FOXP2: variants seen among roughly 807,000 people sequenced by gnomAD.
FOXP2 encodes the protein forkhead box protein P2.
Under a neutral mutation model 115.8 loss-of-function variants are expected in FOXP2, and 12 were observed. The ratio of observed to expected loss-of-function variants is 0.10; its 90% CI spans 0.07 to 0.17. FOXP2 has a LOEUF of 0.17. FOXP2 is among the 10% of genes least tolerant of loss of function. The pLI is 1.00. For missense variants in FOXP2, 629 were observed against 843.5 expected (o/e 0.75, Z 3.15); for synonymous variants, 328 against 297.7 (o/e 1.10, Z -1.05).
At chr7:114,432,805 T>G (rs1794172995) in intron 2 of FOXP2, among the ~76,000 whole-genome samples, 1 of 151,996 alleles carries the variant, frequency 6.6e-6, no homozygotes, top group African/African-American at 2.4e-5. Flanking sequence ...TACCACATGA[T>G]GACACTAAAG....
At chr7:114,182,034 T>C (rs1490518476) in intron 1 of FOXP2, among the ~76,000 whole-genome samples, 1 of 152,108 alleles carries the variant, frequency 6.6e-6, no homozygotes, top group Non-Finnish European at 1.5e-5. Flanking sequence ...TCATATACTT[T>C]AATTGCTTTA....
chr7:114,149,845 A>T (rs1450613513), intron 1 of FOXP2, among the ~76,000 whole-genome samples: 1 of 152,066 alleles, frequency 6.6e-6, no homozygotes, highest in Non-Finnish European at 1.5e-5. Flanking sequence ...AATTTCTTGA[A>T]ATACTAAGGA....
rs567298576 is a variant in FOXP2 at position 114,619,770 on chromosome 7, G to A, written c.259-8770G>A. Among the ~76,000 whole-genome samples the A allele has an allele frequency of 2.0e-5, 3 of 152,066 alleles. No individual in the cohort carries two copies. In the South Asian group the frequency reaches 6.2e-4, roughly 32 times the overall value. ...CTGGCTGTGAAAGTATTGTCCAAAA[G>A]TACCAAATATGAGTTATATTATTAT... On this transcript the variant is annotated intron_variant, in intron 3 of 16. Transcript: ENST00000350908.
At chr7:114,426,752 T>C (rs976799822) in intron 2 of FOXP2, 73 bp downstream of exon 2, 5 of 1,455,440 alleles carry the variant, frequency 3.4e-6, no homozygotes, top group Non-Finnish European at 4.8e-6. Context: ...AATGTATTCA[T>C]AGCAAACTGA....
intron 7 of FOXP2, among the ~76,000 whole-genome samples, chr7:114,643,223 A>G (rs1474498131): frequency 1.3e-5 from 2 of 152,188 alleles, no homozygotes; most frequent in Non-Finnish European, 2.9e-5. Context: ...GAATGATTGT[A>G]TCAATATATT....
At chr7:114,546,382 C>A (rs1463059066) in intron 3 of FOXP2, among the ~76,000 whole-genome samples, 1 of 152,206 alleles carries the variant, frequency 6.6e-6, no homozygotes, top group Admixed American at 6.5e-5. Context: ...GTGCTATGCA[C>A]CATCATACAC....
intron 1 of FOXP2, among the ~76,000 whole-genome samples, chr7:114,165,234 T>C (rs1041908317): frequency 6.6e-6 from 1 of 152,156 alleles, no homozygotes; most frequent in Admixed American, 6.6e-5. Context: ...GCAACGAGGT[T>C]CCTTCTCACC....
At chr7:114,326,649 T>C (rs1797562929) in intron 2 of FOXP2, among the ~76,000 whole-genome samples, 1 of 152,158 alleles carries the variant, frequency 6.6e-6, no homozygotes, top group African/African-American at 2.4e-5. Flanking sequence ...ATTAGCATAT[T>C]GGAATGCATT....
intron 2 of FOXP2, among the ~76,000 whole-genome samples, chr7:114,327,316 A>G (rs1797581315): frequency 6.6e-6 from 1 of 152,190 alleles, no homozygotes; most frequent in Non-Finnish European, 1.5e-5. Context: ...GAATGAGTGA[A>G]TGAACAAATG....
chr7:114,277,613 A>G (rs963477601), intron 1 of FOXP2, among the ~76,000 whole-genome samples: 1 of 152,110 alleles, frequency 6.6e-6, no homozygotes, highest in African/African-American at 2.4e-5. Flanking sequence ...AAAATTTTCA[A>G]CAATATAGTC....
intron 2 of FOXP2, among the ~76,000 whole-genome samples, chr7:114,377,466 A>G (rs1308743012): frequency 6.6e-6 from 1 of 152,160 alleles, no homozygotes; most frequent in African/African-American, 2.4e-5. Flanking sequence ...ATCTCCATCT[A>G]CCCATTGGGG....
intron 2 of FOXP2, among the ~76,000 whole-genome samples, chr7:114,333,291 T>A (rs1220914826): frequency 1.3e-5 from 2 of 152,154 alleles, no homozygotes; most frequent in Non-Finnish European, 2.9e-5. Context: ...TCGTTTAGTT[T>A]GGAGAAGGAG....
intron 2 of FOXP2, among the ~76,000 whole-genome samples, chr7:114,365,278 T>C (rs1791850449): frequency 6.6e-6 from 1 of 152,084 alleles, no homozygotes; most frequent in Non-Finnish European, 1.5e-5. Flanking sequence ...AAATGCTGAG[T>C]TTGATTTAAT....
chr7:114,639,768 A>C (rs923292255), intron 6 of FOXP2, among the ~76,000 whole-genome samples: 1 of 152,110 alleles, frequency 6.6e-6, no homozygotes, highest in African/African-American at 2.4e-5. Context: ...GTGAAGAGAG[A>C]GCGGTAGATG....
upstream of FOXP2, among the ~76,000 whole-genome samples, chr7:114,161,548 T>TA (rs71680505): frequency 2.6e-5 from 4 of 151,758 alleles, no homozygotes; most frequent in Admixed American, 6.6e-5. Context: ...TTTTTTTTTT[T>TA]AATAAATACC....
intron 6 of FOXP2, 100 bp downstream of exon 6, chr7:114,631,805 C>A: frequency 8.1e-7 from 1 of 1,227,208 alleles, no homozygotes; most frequent in South Asian, 1.3e-5. Context: ...GTTTTTATGA[C>A]TTTCAAATTT....
chr7:114,581,990 T>C (rs1019138941), intron 3 of FOXP2, among the ~76,000 whole-genome samples: 6 of 152,174 alleles, frequency 3.9e-5, no homozygotes, highest in Admixed American at 1.3e-4. Context: ...TAGTATACAT[T>C]AGTCTTTCAG....
intron 3 of FOXP2, among the ~76,000 whole-genome samples, chr7:114,600,893 T>A (rs982663175): frequency 6.6e-6 from 1 of 152,160 alleles, no homozygotes; most frequent in African/African-American, 2.4e-5. Flanking sequence ...ATTGTAGATA[T>A]AAGTCTTTAT....
intron 2 of FOXP2, among the ~76,000 whole-genome samples, chr7:114,368,986 TG>T (rs1280983932): frequency 6.6e-6 from 1 of 152,198 alleles, no homozygotes; most frequent in Admixed American, 6.5e-5. Context: ...TGGCTTCAGC[TG>T]GGGCTGCTAG....
Sources: allele counts gnomAD v4.1 joint callset (sites outside exome capture counted in the v4.1 genomes callset), GRCh38; gene constraint gnomAD v4.1.1; transcripts MANE v1.5; gene names NCBI Gene and HGNC (gene_info 2026-07-23, HGNC 2026-07-21).